The following SH3D19 variants were observed in gnomAD, a reference collection of about 807,000 sequenced individuals.
The protein encoded by SH3D19 is SH3 domain-containing protein 19.
A neutral mutation model predicts 112.1 loss-of-function variants in SH3D19; 58 were observed. The ratio of observed to expected loss-of-function variants is 0.52; its 90% CI spans 0.42 to 0.64. SH3D19 has a LOEUF of 0.64. Among genes scored for constraint, SH3D19 ranks in the 30% least tolerant of loss-of-function variants. The probability of loss-of-function intolerance (pLI) is 0.00; values close to 1 mark genes in which losing one functional copy is unlikely to be tolerated. For missense variants in SH3D19, 1,090 were observed against 1,263.4 expected, an observed-to-expected ratio of 0.86 and a Z score of 2.08; for synonymous variants, 391 against 448.5, an observed-to-expected ratio of 0.87 and a Z score of 1.62.
intron 1 of SH3D19, among the ~76,000 whole-genome samples, chr4:151,226,915 G>A (rs1220879600): frequency 6.6e-6 from 1 of 152,104 alleles, no homozygotes; most frequent in African/African-American, 2.4e-5. Context: ...AAACCCACAG[G>A]TTGTCTTTTT....
chr4:151,211,502 G>A (rs953897881), intron 2 of SH3D19, among the ~76,000 whole-genome samples: 10 of 151,584 alleles, frequency 6.6e-5, no homozygotes, highest in African/African-American at 1.7e-4. Flanking sequence ...TAAGTTTAGT[G>A]AGGAAGGCAG....
At chr4:151,202,339 T>C (rs1427130811) in intron 2 of SH3D19, among the ~76,000 whole-genome samples, 1 of 152,108 alleles carries the variant, frequency 6.6e-6, no homozygotes, top group Non-Finnish European at 1.5e-5. Flanking sequence ...CGTCTCAAAA[T>C]AATAATAAAA....
chr4:151,277,244 TG>T, intron 1 of SH3D19: 1 of 1,487,626 alleles, frequency 6.7e-7, no homozygotes, highest in Non-Finnish European at 9.0e-7. Flanking sequence ...AGGGTGGGGT[TG>T]AGAAGGCAGA....
intron 1 of SH3D19, chr4:151,280,012 T>C: frequency 5.9e-6 from 7 of 1,190,546 alleles, no homozygotes; most frequent in Non-Finnish European, 5.5e-6. Flanking sequence ...AATATTTGCA[T>C]CACTTCATGA....
At chr4:151,214,793 CGCCTG>C (rs2149917830) in intron 2 of SH3D19, among the ~76,000 whole-genome samples, 2 of 129,412 alleles carry the variant, frequency 1.5e-5, no homozygotes, top group South Asian at 2.7e-4. Context: ...CCGGACGGAG[CGCCTG>C]GCCTGGCGGG....
chr4:151,253,429 C>T (rs1371780343), intron 1 of SH3D19, among the ~76,000 whole-genome samples: 1 of 151,902 alleles, frequency 6.6e-6, no homozygotes, highest in Admixed American at 6.6e-5. Context: ...CCCTAAGTAT[C>T]TAAGCCTGTT....
chr4:151,151,185 T>C (rs1755005366), intron 9 of SH3D19, among the ~76,000 whole-genome samples: 1 of 152,072 alleles, frequency 6.6e-6, no homozygotes, highest in African/African-American at 2.4e-5. Flanking sequence ...GGTCTCAAAC[T>C]CCTGACCTCA....
In SH3D19 at chr4:151,275,861, T is replaced by TTTG. The variant is rs201239876; in HGVS notation, c.112+49379_112+49380insCAA. Among the ~76,000 whole-genome samples, 529 of 132,390 alleles carry TTTG rather than the reference T, an allele frequency of 4.0e-3. 6 individuals are homozygous for TTTG. Among genetic ancestry groups the TTTG allele is most frequent in the African/African-American group, 0.011 (403 of 36,890 alleles). The allele number at this position is 132,390 out of a possible 152,430, so 86.9% of individuals were successfully genotyped here. A position where few individuals can be genotyped will look rare whatever the true frequency, so the allele number is the denominator to read the frequency against. On this transcript the variant is annotated intron_variant, in intron 1 of 19. Transcript: ENST00000604030. ...ATTATTATTATTATTTTTTTTTTTT[T>TTTG]AGACGGAGTCTCGCTCTGTCGCCCA...
intron 1 of SH3D19, chr4:151,282,249 C>A (rs1256053069): frequency 6.2e-7 from 1 of 1,613,806 alleles, no homozygotes; most frequent in African/African-American, 1.3e-5. Flanking sequence ...GTCATCCATC[C>A]CAAGTACCAA....
At chr4:151,178,646 C>T (rs1760332537) in intron 4 of SH3D19, among the ~76,000 whole-genome samples, 1 of 152,178 alleles carries the variant, frequency 6.6e-6, no homozygotes, top group Non-Finnish European at 1.5e-5. Flanking sequence ...TCCAAGGTCA[C>T]ATGGTAGGAA....
chr4:151,265,578 T>TTC (rs1561413477), intron 1 of SH3D19, among the ~76,000 whole-genome samples: 10 of 147,052 alleles, frequency 6.8e-5, no homozygotes, highest in East Asian at 3.9e-4. Context: ...TCTTTTTTTT[T>TTC]TTTTTTTTTT....
chr4:151,251,927 T>G (rs1324294773), intron 1 of SH3D19, among the ~76,000 whole-genome samples: 1 of 152,206 alleles, frequency 6.6e-6, no homozygotes, highest in Non-Finnish European at 1.5e-5. Context: ...TCCCATCCTC[T>G]TTCTCAATGG....
intron 2 of SH3D19, among the ~76,000 whole-genome samples, chr4:151,201,037 G>A (rs1436585102): frequency 6.6e-6 from 1 of 152,188 alleles, no homozygotes; most frequent in South Asian, 2.1e-4. Flanking sequence ...TCATCTACCT[G>A]TGTCTCTGAA....
At chr4:151,184,492 C>T (rs1041623720) in intron 3 of SH3D19, among the ~76,000 whole-genome samples, 5 of 152,234 alleles carry the variant, frequency 3.3e-5, no homozygotes, top group East Asian at 1.9e-4. Flanking sequence ...GTTTACAAAG[C>T]GACTGACAGA....
At chr4:151,283,235 G>C in intron 1 of SH3D19, 1 of 1,613,816 alleles carries the variant, frequency 6.2e-7, no homozygotes, top group East Asian at 2.2e-5. Flanking sequence ...CAGTCATCAA[G>C]GAAGACAAGA....
At chr4:151,235,694 G>A (rs1247561032) in intron 1 of SH3D19, among the ~76,000 whole-genome samples, 1 of 152,194 alleles carries the variant, frequency 6.6e-6, no homozygotes, top group East Asian at 1.9e-4. Context: ...GCTGAGGCAT[G>A]AGAATTGCTT....
At chr4:151,204,379 G>T (rs1764811281) in intron 2 of SH3D19, among the ~76,000 whole-genome samples, 1 of 152,218 alleles carries the variant, frequency 6.6e-6, no homozygotes, top group Admixed American at 6.5e-5. Context: ...GAAGAAAAAT[G>T]CAGAAGGCAG....
intron 1 of SH3D19, among the ~76,000 whole-genome samples, chr4:151,250,851 C>T (rs1021795829): frequency 2.8e-4 from 43 of 152,258 alleles, no homozygotes; most frequent in African/African-American, 9.9e-4. Flanking sequence ...TGGAAACCTG[C>T]GGCCCAAAAA....
At chr4:151,159,431 A>G in intron 8 of SH3D19, 79 bp from the exon 9 acceptor site, 1 of 823,870 alleles carries the variant, frequency 1.2e-6, no homozygotes, top group East Asian at 2.9e-5. Flanking sequence ...TGCTTAGTTT[A>G]TTAGAAAAAT....
Sources: gnomAD v4.1 joint callset for allele counts (sites outside exome capture counted in the v4.1 genomes callset) on GRCh38, gnomAD v4.1.1 for gene constraint, MANE v1.5 for transcripts, NCBI Gene and HGNC (gene_info 2026-07-23, HGNC 2026-07-21) for gene names.